The following GRIP1 variants were observed in gnomAD, a reference collection of about 807,000 sequenced individuals.
GRIP1 encodes glutamate receptor-interacting protein 1.
In GRIP1, 45 loss-of-function variants were observed where a neutral mutation model predicts 129.9. The observed-to-expected ratio is 0.35, with a 90% CI of 0.27 to 0.44. The LOEUF (loss-of-function observed/expected upper bound fraction) is 0.44, where lower values mean the gene tolerates loss of function less well. Ranked by LOEUF, GRIP1 falls within the 20% of genes least tolerant of loss-of-function variation. GRIP1 has a pLI of 1.00. For synonymous variants in GRIP1, 530 were observed against 520.8 expected (o/e 1.02, Z -0.24); for missense variants, 1,196 against 1,396.8 (o/e 0.86, Z 2.29).
Position 66,957,040 on chromosome 12 carries a change from A to C in GRIP1, c.58+112010T>G, listed in dbSNP as rs1285823864. On this transcript the variant is annotated intron_variant, in intron 1 of 1. Coordinates refer to the GRIP1 transcript ENST00000643019. ...CAAGGGCTGAACTGTGTCCCCCACA[A>C]AATTCATATGTTGAAACTCTAATCT... Among the ~76,000 whole-genome samples the C allele has an allele frequency of 2.6e-5, 4 of 152,154 alleles. No homozygotes were observed. In the South Asian group the frequency reaches 8.3e-4, roughly 32 times the overall value.
In GRIP1 at chr12:66,543,854, G is replaced by GT. The variant is rs1018282424; in HGVS notation, c.137-1905dup. 3.3e-5 allele frequency among the ~76,000 whole-genome samples: 5 copies of GT among 152,040 alleles called. No individual in the cohort carries two copies. The East Asian group carries it at 7.7e-4, about 24-fold the overall frequency. ...CTTTACATGTAGAGTTGGAAGCATAGTTTTTTTTAAGTGCTTATCTTAAAG... is the reference window on the plus strand; with the variant it reads ...CTTTACATGTAGAGTTGGAAGCATAGTTTTTTTTTAAGTGCTTATCTTAAAG... On this transcript the variant is annotated intron_variant, in intron 2 of 24. Coordinates refer to ENST00000359742, the MANE Select transcript of GRIP1 (RefSeq NM_001366722.1).
intron 11 of GRIP1, among the ~76,000 whole-genome samples, chr12:66,448,868 A>G (rs900785265): frequency 5.3e-5 from 8 of 152,152 alleles, no homozygotes; most frequent in Admixed American, 2.6e-4. Context: ...TGAATTTTCA[A>G]TAGCTTCCTG....
chr12:66,590,071 G>A (rs1197443535), intron 2 of GRIP1, among the ~76,000 whole-genome samples: 3 of 151,910 alleles, frequency 2.0e-5, no homozygotes, highest in African/African-American at 7.3e-5. Context: ...ATCCTCAGTC[G>A]GCCTCTAAAA....
intron 1 of GRIP1, among the ~76,000 whole-genome samples, chr12:67,022,673 T>G (rs770544673): frequency 1.3e-5 from 2 of 152,228 alleles, no homozygotes; most frequent in Non-Finnish European, 1.5e-5. Context: ...TAACCTGCAT[T>G]TCCCTAATGA....
chr12:66,898,942 A>C (rs1309687713), intron 1 of GRIP1, among the ~76,000 whole-genome samples: 1 of 152,184 alleles, frequency 6.6e-6, no homozygotes, highest in Non-Finnish European at 1.5e-5. Flanking sequence ...GGCAGTAGCA[A>C]GAAGAAACAG....
At chr12:66,823,062 C>T (rs192638209) in intron 1 of GRIP1, among the ~76,000 whole-genome samples, 43 of 152,222 alleles carry the variant, frequency 2.8e-4, no homozygotes, top group African/African-American at 9.1e-4. Flanking sequence ...TGAAAACAGA[C>T]CTAGTAATTA....
At chr12:66,952,499 C>T (rs2041774037) in intron 1 of GRIP1, among the ~76,000 whole-genome samples, 1 of 152,042 alleles carries the variant, frequency 6.6e-6, no homozygotes, top group Non-Finnish European at 1.5e-5. Flanking sequence ...CTTACTGAGA[C>T]CCAATTAAAG....
chr12:67,023,006 GTTTA>G (rs1273024354), intron 1 of GRIP1, among the ~76,000 whole-genome samples: 3 of 152,044 alleles, frequency 2.0e-5, no homozygotes, highest in Admixed American at 6.6e-5. Context: ...TAAAATTTTG[GTTTA>G]TTTATTATTA....
chr12:66,904,168 A>G (rs961104630), intron 1 of GRIP1, among the ~76,000 whole-genome samples: 9 of 152,232 alleles, frequency 5.9e-5, no homozygotes, highest in African/African-American at 2.2e-4. Context: ...GAACAGCAGG[A>G]AGGGGAAACA....
At chr12:66,934,079 T>C (rs971990460) in intron 1 of GRIP1, among the ~76,000 whole-genome samples, 7 of 152,190 alleles carry the variant, frequency 4.6e-5, no homozygotes, top group African/African-American at 1.7e-4. Context: ...TTTCTTGTTG[T>C]TCTTGATCTC....
chr12:66,978,761 T>A lies in GRIP1; in HGVS notation c.58+90289A>T, dbSNP rs189997616. 1.7e-4 allele frequency among the ~76,000 whole-genome samples: 26 copies of A among 152,336 alleles called. No homozygotes were observed. In the East Asian group the frequency reaches 4.0e-3, roughly 24 times the overall value. On this transcript the variant is annotated intron_variant, in intron 1 of 1. Coordinates refer to the GRIP1 transcript ENST00000643019. ...AAAACAAACAAACAAAAAACTATTT[T>A]AAAAAATGCTCCATTTCCACCAGAT...
At chr12:66,479,550 C>T (rs1046051546) in intron 7 of GRIP1, among the ~76,000 whole-genome samples, 1 of 152,102 alleles carries the variant, frequency 6.6e-6, no homozygotes, top group Non-Finnish European at 1.5e-5. Context: ...AAAAGAGGGA[C>T]TCCTCCCTAA....
rs190904197 is a variant in GRIP1, at chr12:66,367,375, G to A, written c.3012+4319C>T. Among the ~76,000 whole-genome samples, 4 of 152,300 alleles carry A rather than the reference G, an allele frequency of 2.6e-5. No individual in the cohort carries two copies. The East Asian group carries it at 7.7e-4, about 29-fold the overall frequency. On this transcript the variant is annotated intron_variant, in intron 23 of 24. Transcript: ENST00000359742. The stretch of plus-strand genomic sequence containing the variant: ...ATCACCTCCACTTAGCAAAACCTAA[G>A]GGAGTGATTCTCAATTTCTATTCTG...
intron 1 of GRIP1, among the ~76,000 whole-genome samples, chr12:66,908,978 A>C (rs6581722): frequency 0.35 from 53,735 of 151,976 alleles, 9,885 homozygotes; most frequent in East Asian, 0.64. Context: ...AGACTTCACA[A>C]TGCACCCAGC....
intron 16 of GRIP1, among the ~76,000 whole-genome samples, chr12:66,400,456 A>G (rs1592768892): frequency 2.0e-5 from 3 of 152,310 alleles, no homozygotes; most frequent in African/African-American, 7.2e-5. Context: ...GGTTTAGGGG[A>G]AAAAGCTACT....
chr12:66,621,357 A>C, intron 1 of GRIP1, among the ~76,000 whole-genome samples: 1 of 152,164 alleles, frequency 6.6e-6, no homozygotes, highest in Admixed American at 6.6e-5. Flanking sequence ...CAGTGACATA[A>C]TGTGTGTCCT....
Position 66,463,199 on chromosome 12 carries a change from T to G in GRIP1, c.873-106A>C, listed in dbSNP as rs577851111. ...TTCACAGTTTTTCATTTACTTAAAATAAAAGAAAAGAAAAGTTTGAGTGTT... is the reference window on the plus strand; with the variant it reads ...TTCACAGTTTTTCATTTACTTAAAAGAAAAGAAAAGAAAAGTTTGAGTGTT... On this transcript the variant is annotated intron_variant, in intron 8 of 24. Coordinates refer to ENST00000359742, the MANE Select transcript of GRIP1 (RefSeq NM_001366722.1). The G allele has an allele frequency of 3.0e-4, 187 of 623,396 alleles. 1 individual carries two copies. The Admixed American group carries it at 4.9e-3, about 16-fold the overall frequency. 38.6% of individuals were successfully genotyped at this position (623,396 alleles called of 1,614,324 possible).
At chr12:66,475,833 G>A (rs2059590117) in intron 7 of GRIP1, among the ~76,000 whole-genome samples, 1 of 152,168 alleles carries the variant, frequency 6.6e-6, no homozygotes, top group Non-Finnish European at 1.5e-5. Context: ...AAAGCAGTGT[G>A]TAGAGGGAAA....
At chr12:66,794,563 T>C (rs2038642186) in intron 1 of GRIP1, among the ~76,000 whole-genome samples, 1 of 152,194 alleles carries the variant, frequency 6.6e-6, no homozygotes, top group South Asian at 2.1e-4. Flanking sequence ...CGATTAAAAA[T>C]ACACCAAGTT....
Sources: allele counts gnomAD v4.1 joint callset (sites outside exome capture counted in the v4.1 genomes callset), GRCh38; gene constraint gnomAD v4.1.1; transcripts MANE v1.5; gene names NCBI Gene and HGNC (gene_info 2026-07-23, HGNC 2026-07-21).